The following VWF variants were observed in gnomAD, a reference collection of about 807,000 sequenced individuals.
The protein encoded by VWF is Factor VIII related antigen.
A neutral mutation model predicts 308.6 loss-of-function variants in VWF; 176 were observed. The ratio of observed to expected loss-of-function variants is 0.57; its 90% CI spans 0.50 to 0.65. The LOEUF (loss-of-function observed/expected upper bound fraction) is 0.65. Among genes scored for constraint, VWF ranks in the 30% least tolerant of loss-of-function variants. The pLI is 0.00. For missense variants in VWF, 3,146 were observed against 3,648.2 expected, an observed-to-expected ratio of 0.86 and a Z score of 3.55; for synonymous variants, 1,385 against 1,443.4, an observed-to-expected ratio of 0.96 and a Z score of 0.92.
chr12:5,983,401 G>GGATAGACAGATA (rs1555191776), intron 40 of VWF, 147 bp from the exon 41 acceptor site: 8 of 480,132 alleles, frequency 1.7e-5, no homozygotes, highest in Non-Finnish European at 2.7e-5. Context: ...ACATGGGTTA[G>GGATAGACAGATA]GATAGATAGA....
rs150577615 is a variant in VWF, at chr12:5,949,124, C to T, written c.8333G>A (p.Arg2778Gln). The change falls in exon 52 of 52, where the codon CGG (arginine) becomes CAG (glutamine). Residue 2778 changes from arginine (R) to glutamine (Q), a missense_variant. By Grantham distance (43) the Arg-to-Gln change is conservative. Transcript: ENST00000261405. The stretch of plus-strand genomic sequence containing the variant: ...CAGGGCCACCTGCATGGGCTCCGTC[C>T]GTGTCGGAGAGCAGCAGGAGCACTG... ...QDQCSCCSPT[R>Q]TEPMQVALHC... 4.2e-5 allele frequency: 67 copies of T among 1,614,096 alleles called. No individual in the cohort carries two copies. Among genetic ancestry groups the T allele is most frequent in the Non-Finnish European group, 4.7e-5 (55 of 1,180,028 alleles).
At chr12:6,123,258 G>A (rs1945450826) in intron 1 of VWF, 62 bp from the exon 2 acceptor site, 2 of 1,584,490 alleles carry the variant, frequency 1.3e-6, no homozygotes, top group Admixed American at 3.3e-5. Context: ...TGCTGGTGTG[G>A]CGACTATCAG....
intron 5 of VWF, among the ~76,000 whole-genome samples, chr12:6,108,328 A>AAT (rs200103341): frequency 1.4e-3 from 169 of 118,456 alleles, no homozygotes; most frequent in East Asian, 3.3e-3. Context: ...GAAAGAAAGA[A>AAT]ATATATACAC....
At chr12:5,969,957 A>G (rs1943452182) in intron 44 of VWF, among the ~76,000 whole-genome samples, 1 of 152,190 alleles carries the variant, frequency 6.6e-6, no homozygotes, top group African/African-American at 2.4e-5. Context: ...TCTTCCCCAG[A>G]AAATGTCACT....
At chr12:5,976,619 A>G (rs1943536435) in intron 42 of VWF, among the ~76,000 whole-genome samples, 1 of 151,318 alleles carries the variant, frequency 6.6e-6, no homozygotes, top group Non-Finnish European at 1.5e-5. Context: ...GCCCAGACCC[A>G]GTAATGTCCT....
chr12:6,061,471 GAAA>G (rs10559016), intron 13 of VWF, among the ~76,000 whole-genome samples: 2,070 of 121,364 alleles, frequency 0.017, 54 homozygotes, highest in African/African-American at 0.051. Flanking sequence ...TTCATAAAAG[GAAA>G]AAAAAAAAAA....
chr12:6,012,486 T>C (rs1459000637), intron 32 of VWF, among the ~76,000 whole-genome samples: 1 of 152,226 alleles, frequency 6.6e-6, no homozygotes, highest in Non-Finnish European at 1.5e-5. Flanking sequence ...TACTTGAAGA[T>C]TCCTACCAGG....
intron 20 of VWF, among the ~76,000 whole-genome samples, chr12:6,032,822 T>A (rs896541435): frequency 2.7e-5 from 4 of 148,784 alleles, no homozygotes; most frequent in Admixed American, 6.7e-5. Context: ...ATACACACAC[T>A]CACACACGTG....
At chr12:6,048,111 T>C (rs1944466584) in intron 16 of VWF, among the ~76,000 whole-genome samples, 1 of 152,226 alleles carries the variant, frequency 6.6e-6, no homozygotes, top group South Asian at 2.1e-4. Context: ...TAGTATGAAG[T>C]CATACTCATT....
chr12:6,117,124 T>C lies in VWF; in HGVS notation c.220+4050A>G, dbSNP rs143710421. ...GTTAGCAGCACGGTTTTGGTGAAAA[T>C]GAAATCAATTTACATTAAAGTGTGT... On this transcript the variant is annotated intron_variant, in intron 3 of 51. Transcript: ENST00000261405. Among the ~76,000 whole-genome samples, 68 of 152,226 alleles carry C rather than the reference T, an allele frequency of 4.5e-4. No homozygotes were observed. In the East Asian group the frequency reaches 0.013, roughly 29 times the overall value.
In VWF at chr12:6,057,881, T is replaced by C. The variant is rs1050981582; in HGVS notation, c.1697A>G (p.His566Arg). ...CGGGTTGAGGGCGCAGGGATCGCTG[T>C]GCTGCTTCTGCAGGTCCTGGCAGTC... ...HGDCQDLQKQ[H>R]SDPCALNPRM... is the part of the protein sequence containing the mutation. Residue 566 changes from histidine (H) to arginine (R), a missense_variant, in exon 14 of 52, where the codon CAC becomes CGC. Around this residue, in one of 3 missense-constraint regions of VWF, gnomAD observed 1,304 missense variants for 1,353.0 expected, o/e 0.96. Coordinates refer to ENST00000261405, the MANE Select transcript of VWF (RefSeq NM_000552.5). 2 of 1,611,580 alleles carry C rather than the reference T, an allele frequency of 1.2e-6. No individual in the cohort carries two copies. The highest frequency in any genetic ancestry group is 1.7e-6 in the Non-Finnish European group (2 of 1,178,844).
chr12:6,112,827 GAC>G lies in VWF; in HGVS notation c.221-1861_221-1860del, dbSNP rs58457258. ...GGACAACCACACACACAGACACACA[GAC>G]ACACACACACACACACACACACACC... On this transcript the variant is annotated intron_variant, in intron 3 of 51. Coordinates refer to ENST00000261405, the MANE Select transcript of VWF (RefSeq NM_000552.5). Among the ~76,000 whole-genome samples the G allele has an allele frequency of 9.3e-3, 1,340 of 144,788 alleles. 10 individuals are homozygous for G. Among genetic ancestry groups the G allele is most frequent in the African/African-American group, 0.025 (998 of 40,208 alleles). 95.0% of individuals were successfully genotyped at this position (144,788 alleles called of 152,430 possible).
rs1298396777 is a variant in VWF, at chr12:5,949,110, G to A, written c.8347C>T (p.Gln2783Ter). Reference sequence around the variant, plus strand: ...CCATTGGTGCAGTGCAGGGCCACCTGCATGGGCTCCGTCCGTGTCGGAGAG... The same window carrying A: ...CCATTGGTGCAGTGCAGGGCCACCTACATGGGCTCCGTCCGTGTCGGAGAG... The part of the protein sequence containing the change: ...CCSPTRTEPM[Q>*]VALHCTNGSV... Residue 2783 changes from glutamine (Q) to a stop codon, truncating the protein, a stop_gained, in exon 52 of 52, where the codon CAG (glutamine) becomes TAG (stop). Coordinates refer to ENST00000261405, the MANE Select transcript of VWF (RefSeq NM_000552.5). LOFTEE classifies it high-confidence loss of function. 3 of 1,614,250 alleles carry A rather than the reference G, an allele frequency of 1.9e-6. No individual in the cohort carries two copies. Among genetic ancestry groups the A allele is most frequent in the Admixed American group, 1.7e-5 (1 of 60,034 alleles).
rs752873941 is a variant in VWF, at chr12:6,072,316, C to T, written c.1109+15G>A. The T allele has an allele frequency of 1.2e-5, 19 of 1,611,020 alleles. No individual in the cohort carries two copies. Among genetic ancestry groups the T allele is most frequent in the South Asian group, 3.3e-5 (3 of 90,980 alleles). On this transcript the variant is annotated intron_variant, in intron 9 of 51. Transcript: ENST00000261405. The stretch of plus-strand genomic sequence containing the variant: ...CAGGCAGGTCTCCCAGAGCACGCTG[C>T]GCAGCCCCCATTACCAGGTGTTGCA...
chr12:6,111,061 A>G (rs986738203), intron 3 of VWF, 93 bp from the exon 4 acceptor site: 14 of 1,204,288 alleles, frequency 1.2e-5, no homozygotes, highest in Admixed American at 3.6e-5. Flanking sequence ...ACCTTTTCTC[A>G]GCAGAAAACG....
intron 6 of VWF, among the ~76,000 whole-genome samples, chr12:6,089,807 A>G (rs2136491664): frequency 6.6e-6 from 1 of 152,108 alleles, no homozygotes; most frequent in South Asian, 2.1e-4. Flanking sequence ...CTCCACAGCC[A>G]CCCTGACCCC....
intron 5 of VWF, among the ~76,000 whole-genome samples, chr12:6,105,030 G>T (rs1334618036): frequency 6.6e-6 from 1 of 152,172 alleles, no homozygotes; most frequent in Non-Finnish European, 1.5e-5. Context: ...CCAAAAAGTG[G>T]TTACTAAAAG....
chr12:6,056,991 T>C lies in VWF; in HGVS notation c.1811A>G (p.Tyr604Cys). The C allele has an allele frequency of 6.5e-7, 1 of 1,545,764 alleles. No homozygotes were observed. Among genetic ancestry groups the C allele is most frequent in the South Asian group, 1.2e-5 (1 of 84,402 alleles). Residue 604 changes from tyrosine to cysteine, a missense_variant, in exon 15 of 52, where the codon TAC becomes TGC. By Grantham distance (194) the Tyr-to-Cys change is radical. Around this residue, in one of 3 missense-constraint regions of VWF, gnomAD observed 1,304 missense variants for 1,353.0 expected, o/e 0.96. Coordinates refer to ENST00000261405, the MANE Select transcript of VWF (RefSeq NM_000552.5). ...ACHRAVSPLP[Y>C]LRNCRYDVCS... is the part of the protein sequence containing the mutation. ...CACGTCGTAGCGGCAGTTCCGCAGG[T>C]AGGGCAGCGGGCTGACGGCACGATG...
chr12:6,041,843 G>A (rs1206517434), intron 18 of VWF, among the ~76,000 whole-genome samples: 1 of 152,098 alleles, frequency 6.6e-6, no homozygotes, highest in East Asian at 1.9e-4. Flanking sequence ...ACAAAAGCAT[G>A]GGTCCACAGC....
Sources: allele counts gnomAD v4.1 joint callset (sites outside exome capture counted in the v4.1 genomes callset), GRCh38; gene constraint gnomAD v4.1.1; regional missense constraint gnomAD v4.1.1; transcripts MANE v1.5; gene names NCBI Gene and HGNC (gene_info 2026-07-23, HGNC 2026-07-21).